EDDM13: variants seen among roughly 807,000 people sequenced by gnomAD.
The protein encoded by EDDM13 is epididymal protein 13.
EDDM13 carries 24 observed loss-of-function variants against 17.8 expected under a neutral mutation model. The ratio of observed to expected loss-of-function variants is 1.35; its 90% CI spans 0.98 to 1.90. The LOEUF (loss-of-function observed/expected upper bound fraction) is 1.90. EDDM13 is among the 40% of genes most tolerant of loss of function. The pLI, the probability that EDDM13 is intolerant of heterozygous loss-of-function variation, is 0.00. For synonymous variants in EDDM13, 31 were observed against 37.5 expected (o/e 0.83, Z 0.63); for missense variants, 97 against 100.8 (o/e 0.96, Z 0.16).
At chr19:56,304,178 G>A (rs888048101) in intron 13 of EDDM13, among the ~76,000 whole-genome samples, 1 of 152,200 alleles carries the variant, frequency 6.6e-6, no homozygotes, top group Non-Finnish European at 1.5e-5. Flanking sequence ...GAGGAGGCCC[G>A]ACCAGCCAGC....
chr19:56,283,296 T>A (rs1205839139), intron 4 of EDDM13: 1 of 152,184 alleles, frequency 6.6e-6, no homozygotes, highest in Non-Finnish European at 1.5e-5. Context: ...TTACTATTTC[T>A]AACTTTACTA....
intron 12 of EDDM13, chr19:56,298,270 A>G (rs2040008387): frequency 6.6e-6 from 1 of 152,180 alleles, no homozygotes; most frequent in Non-Finnish European, 1.5e-5. Flanking sequence ...ACTTTATGCC[A>G]ATAAAATTGA....
intron 14 of EDDM13, among the ~76,000 whole-genome samples, chr19:56,308,924 G>A (rs945702661): frequency 6.6e-6 from 1 of 152,166 alleles, no homozygotes. Flanking sequence ...CAACCCATTA[G>A]GCAAGAGGTT....
chr19:56,300,950 G>A (rs1259087063), intron 12 of EDDM13, among the ~76,000 whole-genome samples: 1 of 152,176 alleles, frequency 6.6e-6, no homozygotes, highest in African/African-American at 2.4e-5. Context: ...GAAAGATCCT[G>A]CTGGCACTCA....
At chr19:56,305,423 C>T (rs1463685283) in intron 14 of EDDM13, among the ~76,000 whole-genome samples, 1 of 152,172 alleles carries the variant, frequency 6.6e-6, no homozygotes, top group African/African-American at 2.4e-5. Flanking sequence ...GGACTGTATT[C>T]GTTTCTGCTG....
chr19:56,302,506 CTTCT>C (rs1482105255), intron 13 of EDDM13, among the ~76,000 whole-genome samples: 1 of 53,378 alleles, frequency 1.9e-5, no homozygotes, highest in African/African-American at 8.5e-5. Flanking sequence ...CCTCTCTGCC[CTTCT>C]TTCCTTCCTC....
chr19:56,301,632 C>G (rs1231654615), intron 12 of EDDM13, among the ~76,000 whole-genome samples: 2 of 152,110 alleles, frequency 1.3e-5, no homozygotes, highest in Non-Finnish European at 1.5e-5. Context: ...TAGGGCTCAG[C>G]CTCATTTTAC....
chr19:56,294,109 G>A (rs538660258), intron 9 of EDDM13, among the ~76,000 whole-genome samples: 2 of 152,266 alleles, frequency 1.3e-5, no homozygotes, highest in South Asian at 2.1e-4. Flanking sequence ...AGACCCAGCA[G>A]GAAAATCCCA....
intron 12 of EDDM13, chr19:56,299,851 A>AG (rs2147241678): frequency 6.6e-6 from 1 of 152,336 alleles, no homozygotes; most frequent in South Asian, 2.1e-4. Flanking sequence ...AGCGACACAG[A>AG]GGGCTGAGGG....
At chr19:56,275,693 A>T (rs1490549927) in intron 1 of EDDM13, among the ~76,000 whole-genome samples, 1 of 152,254 alleles carries the variant, frequency 6.6e-6, no homozygotes, top group Non-Finnish European at 1.5e-5. Flanking sequence ...TGTTTGGGAC[A>T]TCCATAGATA....
At chr19:56,300,117 A>G (rs1484449061) in intron 12 of EDDM13, 1 of 152,232 alleles carries the variant, frequency 6.6e-6, no homozygotes. Context: ...AAAACAAAAT[A>G]TCCTCCAAAC....
chr19:56,291,766 GA>G (rs1477485418), intron 9 of EDDM13, among the ~76,000 whole-genome samples: 2 of 151,786 alleles, frequency 1.3e-5, no homozygotes. Context: ...CAAGAACTGG[GA>G]AAAAATAGCT....
chr19:56,302,537 T>A (rs2040348676), intron 13 of EDDM13, among the ~76,000 whole-genome samples: 1 of 49,230 alleles, frequency 2.0e-5, no homozygotes, highest in Non-Finnish European at 4.5e-5. Flanking sequence ...TCCCTCTTCT[T>A]CCTCCCCGTT....
At chr19:56,283,128 T>C (rs1431531488) in intron 4 of EDDM13, 3 of 152,232 alleles carry the variant, frequency 2.0e-5, no homozygotes, top group Non-Finnish European at 4.4e-5. Context: ...CAAGGTTAAG[T>C]GAACTTACGG....
chr19:56,274,277 A>C (rs1421404658), intron 1 of EDDM13, among the ~76,000 whole-genome samples: 1 of 152,104 alleles, frequency 6.6e-6, no homozygotes, highest in African/African-American at 2.4e-5. Context: ...AACATGGCGA[A>C]ACCCCATCTC....
chr19:56,292,053 G>A (rs188951148), intron 9 of EDDM13, among the ~76,000 whole-genome samples: 6 of 152,224 alleles, frequency 3.9e-5, no homozygotes, highest in Admixed American at 6.5e-5. Context: ...GCATCCCAGT[G>A]GTGACGGTGG....
chr19:56,276,519 T>TTTTTC (rs2038273570), intron 2 of EDDM13, among the ~76,000 whole-genome samples: 1 of 146,814 alleles, frequency 6.8e-6, no homozygotes, highest in Non-Finnish European at 1.5e-5. Flanking sequence ...TTTTTTTTTT[T>TTTTTC]CCAGTGAGGG....
At position 56,302,946 on chromosome 19, in the gene EDDM13, G is replaced by C. The variant is rs550502786; in HGVS notation, c.423+851G>C. The C allele has an allele frequency of 1.4e-4, 55 of 398,540 alleles. No homozygotes were observed. The South Asian group carries it at 5.2e-3, about 38-fold the overall frequency. 24.7% of individuals were successfully genotyped at this position (398,540 alleles called of 1,614,324 possible). The stretch of plus-strand genomic sequence containing the variant: ...TGTAAGGGAGGCAGACATCCACAGA[G>C]AGAACCAGATCACCGAGTGGTAGCA... On this transcript the variant is annotated intron_variant, in intron 13 of 14. Coordinates refer to ENST00000649256, the MANE Select transcript of EDDM13 (RefSeq NM_001354658.2).
intron 1 of EDDM13, among the ~76,000 whole-genome samples, chr19:56,273,826 A>G (rs137894895): frequency 1.7e-4 from 26 of 152,262 alleles, no homozygotes; most frequent in African/African-American, 6.0e-4. Flanking sequence ...GGAAGCTGTG[A>G]AAGGGTTTTC....
Sources: gnomAD v4.1 joint callset for allele counts (sites outside exome capture counted in the v4.1 genomes callset) on GRCh38, gnomAD v4.1.1 for gene constraint, MANE v1.5 for transcripts, NCBI Gene and HGNC (gene_info 2026-07-23, HGNC 2026-07-21) for gene names.